The following GPR146 variants were observed in gnomAD, a reference collection of about 807,000 sequenced individuals.
GPR146 encodes G protein-coupled receptor 146, also known as G-protein coupled receptor 146.
For missense variants in GPR146, 381 were observed against 213.9 expected (o/e 1.78, Z -4.87); for synonymous variants, 203 against 104.3 (o/e 1.95, Z -5.77).
Position 1,058,162 on chromosome 7 carries a change from A to G in GPR146, c.647A>G (p.Glu216Gly), listed in dbSNP as rs765306529. ...GTGCTACTCTCCCGCGTCCGCAGGG[A>G]GGACACGCCCCTGGACCGGGACACG... ...ALVLLSRVRREDTPLDRDTGR... is the reference protein window; with the variant it reads ...ALVLLSRVRRGDTPLDRDTGR... The change falls in exon 2 of 2, where the codon GAG becomes GGG. Residue 216 changes from glutamate to glycine, a missense_variant. Glu to Gly is a moderately conservative substitution (Grantham distance 98). Transcript: ENST00000444847. 2.0e-5 allele frequency: 15 copies of G among 738,680 alleles called. No homozygotes were observed. In the Admixed American group the frequency reaches 2.8e-4, roughly 14 times the overall value. 45.8% of individuals were successfully genotyped at this position (738,680 alleles called of 1,614,324 possible).
chr7:1,054,488 C>T (rs1783518400), intron 1 of GPR146, among the ~76,000 whole-genome samples: 1 of 152,238 alleles, frequency 6.6e-6, no homozygotes, highest in Non-Finnish European at 1.5e-5. Context: ...CACTCGAGAG[C>T]CGGTTCAGGG....
In GPR146 at chr7:1,057,970, G is replaced by A. The variant is rs532025903; in HGVS notation, c.455G>A (p.Trp152Ter). The stretch of plus-strand genomic sequence containing the variant: ...ACGCGGCACGTGTGCGGCTTCGTGT[G>A]GGGTGGCGCGCTGCTGACCAGCTTC... Reference protein sequence around the residue: ...YNTRHVCGFVWGGALLTSFSS... With the variant: ...YNTRHVCGFV Residue 152 changes from tryptophan to a stop codon, truncating the protein, a stop_gained, in exon 2 of 2, where the codon TGG (tryptophan) becomes TAG (stop). Transcript: ENST00000444847. LOFTEE classifies it low-confidence loss of function (END_TRUNC). The A allele has an allele frequency of 9.1e-6, 7 of 771,180 alleles. No homozygotes were observed. The East Asian group carries it at 1.7e-4, about 19-fold the overall frequency. 47.8% of individuals were successfully genotyped at this position (771,180 alleles called of 1,614,324 possible).
intron 1 of GPR146, among the ~76,000 whole-genome samples, chr7:1,053,512 C>T (rs544941272): frequency 1.3e-5 from 2 of 152,300 alleles, no homozygotes; most frequent in Middle Eastern, 3.4e-3. Flanking sequence ...CTGTGGGTGC[C>T]CCCTGCAGCT....
chr7:1,053,457 G>A (rs1170482823), intron 1 of GPR146, among the ~76,000 whole-genome samples: 4 of 152,256 alleles, frequency 2.6e-5, no homozygotes, highest in Non-Finnish European at 5.9e-5. Flanking sequence ...GGAGAGGTGG[G>A]AACACTGGCT....
intron 1 of GPR146, chr7:1,045,575 G>A (rs1782500305): frequency 6.6e-6 from 1 of 152,224 alleles, no homozygotes; most frequent in African/African-American, 2.4e-5. Context: ...TAGTGGTGAT[G>A]AGATAGTCTA....
At chr7:1,044,993 C>A (rs1043431324) in intron 1 of GPR146, among the ~76,000 whole-genome samples, 2 of 152,392 alleles carry the variant, frequency 1.3e-5, no homozygotes, top group Middle Eastern at 6.8e-3. Flanking sequence ...TCCTGGGCCA[C>A]TATGGTGACT....
chr7:1,047,245 G>A (rs953242540), intron 1 of GPR146, among the ~76,000 whole-genome samples: 1 of 152,172 alleles, frequency 6.6e-6, no homozygotes, highest in African/African-American at 2.4e-5. Flanking sequence ...TTGGTCTCAG[G>A]CCCCCAGAGC....
intron 1 of GPR146, among the ~76,000 whole-genome samples, chr7:1,046,260 C>T (rs2128192113): frequency 6.6e-6 from 1 of 152,322 alleles, no homozygotes; most frequent in South Asian, 2.1e-4. Context: ...AAAATAACTG[C>T]CGCCTGGCCT....
rs1408993072 is a variant in GPR146 at position 1,058,474 on chromosome 7, A to G, written c.959A>G (p.His320Arg). The change falls in exon 2 of 2, where the codon CAC becomes CGC. Residue 320 changes from histidine (H) to arginine (R), a missense_variant. His to Arg is a conservative substitution (Grantham distance 29). Transcript: ENST00000444847. ...LMKKLPCGDR[H>R]CSPDHMGVQQ... ...AAAAAGCTGCCCTGCGGGGACCGGC[A>G]CTGCTCCCCGGACCACATGGGGGTG... 1.3e-6 allele frequency: 1 copy of G among 780,158 alleles called. No homozygotes were observed. Among genetic ancestry groups the G allele is most frequent in the Admixed American group, 1.7e-5 (1 of 59,018 alleles). The allele number at this position is 780,158 out of a possible 1,614,324, so 48.3% of individuals were successfully genotyped here.
At chr7:1,049,051 G>A (rs542274063) in intron 1 of GPR146, among the ~76,000 whole-genome samples, 10 of 152,236 alleles carry the variant, frequency 6.6e-5, no homozygotes, top group East Asian at 3.9e-4. Context: ...CTGTCTGAGC[G>A]TGCGCTCCCC....
rs3802139 is a variant in GPR146, at chr7:1,057,497, C to A, written c.-19C>A. Reference sequence around the variant, plus strand: ...CCTGTTCCTTCTTTCCGCAGGGTCGCGGAGCCTCGCCGGCCGCCATGTGGA... The same window carrying A: ...CCTGTTCCTTCTTTCCGCAGGGTCGAGGAGCCTCGCCGGCCGCCATGTGGA... On this transcript the variant is annotated 5_prime_UTR_variant, in exon 2 of 2. Coordinates refer to ENST00000444847, the MANE Select transcript of GPR146 (RefSeq NM_001303473.2). The A allele has an allele frequency of 5.3e-6, 4 of 753,264 alleles. No individual in the cohort carries two copies. The highest frequency in any genetic ancestry group is 3.5e-5 in the Admixed American group (2 of 57,766). The allele number at this position is 753,264 out of a possible 1,614,324, so 46.7% of individuals were successfully genotyped here.
chr7:1,055,167 G>C, intron 1 of GPR146: 1 of 459,476 alleles, frequency 2.2e-6, no homozygotes, highest in Admixed American at 2.4e-5. Context: ...TTTGCAGTGC[G>C]GTCCCGTCCA....
chr7:1,048,698 G>A (rs1203772569), intron 1 of GPR146, among the ~76,000 whole-genome samples: 1 of 152,212 alleles, frequency 6.6e-6, no homozygotes, highest in Non-Finnish European at 1.5e-5. Flanking sequence ...AGATGCCAAC[G>A]TCTCACTTGA....
intron 1 of GPR146, chr7:1,056,492 C>G (rs1232521539): frequency 6.6e-6 from 1 of 152,598 alleles, no homozygotes; most frequent in Non-Finnish European, 1.5e-5. Context: ...CTGCCAGCTG[C>G]CTGCATGCCT....
At chr7:1,049,323 G>A (rs1246219215) in intron 1 of GPR146, among the ~76,000 whole-genome samples, 1 of 152,266 alleles carries the variant, frequency 6.6e-6, no homozygotes, top group African/African-American at 2.4e-5. Context: ...TTCCAGGCCA[G>A]GGCTGGTAAC....
intron 1 of GPR146, chr7:1,055,352 G>T (rs1486060665): frequency 2.1e-6 from 1 of 470,920 alleles, no homozygotes; most frequent in Non-Finnish European, 4.4e-6. Context: ...ATAAGAGCCT[G>T]CGGGTTTGCA....
chr7:1,057,905 G>A lies in GPR146; in HGVS notation c.390G>A (p.Glu130=), dbSNP rs770912024. ...TALLSLDHYI[E]RALPRTYMAS... ...TGCTGAGCCTCGACCACTACATCGA[G>A]CGTGCACTGCCGCGGACCTACATGG... Residue 130 remains glutamate, a synonymous_variant, in exon 2 of 2, where the codon GAG becomes GAA. Coordinates refer to ENST00000444847, the MANE Select transcript of GPR146 (RefSeq NM_001303473.2). The A allele has an allele frequency of 1.3e-6, 1 of 776,082 alleles. No homozygotes were observed. Among genetic ancestry groups the A allele is most frequent in the East Asian group, 2.4e-5 (1 of 41,246 alleles). 48.1% of individuals were successfully genotyped at this position (776,082 alleles called of 1,614,324 possible). A position where few individuals can be genotyped will look rare whatever the true frequency, so the allele number is the denominator to read the frequency against.
Position 1,058,460 on chromosome 7 carries a change from C to T in GPR146, c.945C>T (p.Pro315=), listed in dbSNP as rs773872714. ...TCCAACGGCTGATGAAAAAGCTGCC[C>T]TGCGGGGACCGGCACTGCTCCCCGG... ...SKLQRLMKKL[P]CGDRHCSPDH... The change falls in exon 2 of 2, where the codon CCC becomes CCT. Residue 315 remains proline, a synonymous_variant. Transcript: ENST00000444847. The T allele has an allele frequency of 1.3e-5, 10 of 780,374 alleles. 1 individual carries two copies. The highest frequency in any genetic ancestry group is 4.5e-4 in the Middle Eastern group (2 of 4,464). The allele number at this position is 780,374 out of a possible 1,614,324, so 48.3% of individuals were successfully genotyped here.
intron 1 of GPR146, chr7:1,045,316 T>A (rs1782476897): frequency 6.6e-6 from 1 of 152,296 alleles, no homozygotes; most frequent in Non-Finnish European, 1.5e-5. Context: ...CAGAGGATAA[T>A]TCTGTATTCG....
Sources: gnomAD v4.1 joint callset for allele counts (sites outside exome capture counted in the v4.1 genomes callset) on GRCh38, gnomAD v4.1.1 for gene constraint, MANE v1.5 for transcripts, NCBI Gene and HGNC (gene_info 2026-07-23, HGNC 2026-07-21) for gene names.